The following PTPRD variants were observed in gnomAD, a reference collection of about 807,000 sequenced individuals.
The protein encoded by PTPRD is protein tyrosine phosphatase receptor type D.
Under a neutral mutation model 214.5 loss-of-function variants are expected in PTPRD, and 34 were observed. The observed-to-expected ratio is 0.16, with a 90% CI of 0.12 to 0.21. The LOEUF (loss-of-function observed/expected upper bound fraction) is 0.21. Among genes scored for constraint, PTPRD ranks in the 10% least tolerant of loss-of-function variants. The pLI, the probability that PTPRD is intolerant of heterozygous loss-of-function variation, is 1.00. For missense variants in PTPRD, 2,545 were observed against 2,398.7 expected (o/e 1.06, Z -1.27); for synonymous variants, 1,128 against 845.7 (o/e 1.33, Z -5.79).
intron 14 of PTPRD, among the ~76,000 whole-genome samples, chr9:8,569,966 G>C (rs139335039): frequency 6.6e-6 from 1 of 152,034 alleles, no homozygotes; most frequent in Non-Finnish European, 1.5e-5. Flanking sequence ...TACATAATGC[G>C]GTGAACTGTT....
chr9:9,686,142 T>C (rs898320875), intron 7 of PTPRD, among the ~76,000 whole-genome samples: 3 of 151,378 alleles, frequency 2.0e-5, no homozygotes, highest in Non-Finnish European at 4.4e-5. Context: ...TTGTTGCTGT[T>C]GTTGAAATAA....
At chr9:9,089,354 A>T (rs1393652066) in intron 10 of PTPRD, among the ~76,000 whole-genome samples, 1 of 152,204 alleles carries the variant, frequency 6.6e-6, no homozygotes, top group Non-Finnish European at 1.5e-5. Flanking sequence ...CAAGGTCTAC[A>T]GTTTGCTGAC....
chr9:9,280,697 G>A (rs1338215911), intron 9 of PTPRD, among the ~76,000 whole-genome samples: 1 of 151,280 alleles, frequency 6.6e-6, no homozygotes, highest in Admixed American at 6.6e-5. Context: ...CAGGATTTCA[G>A]TTCTTCCTAA....
At chr9:9,848,573 G>C (rs370173496) in intron 5 of PTPRD, among the ~76,000 whole-genome samples, 32 of 152,140 alleles carry the variant, frequency 2.1e-4, no homozygotes, top group Middle Eastern at 3.4e-3. Flanking sequence ...GCCTTTAAGT[G>C]GTAGATCCAA....
chr9:8,516,883 A>C (rs371336980), intron 21 of PTPRD, among the ~76,000 whole-genome samples: 7 of 146,876 alleles, frequency 4.8e-5, no homozygotes, highest in African/African-American at 1.8e-4. Flanking sequence ...AGCTCACTGC[A>C]AACTTGCAAA....
intron 7 of PTPRD, among the ~76,000 whole-genome samples, chr9:9,677,985 T>G (rs540330065): frequency 6.6e-6 from 1 of 152,074 alleles, no homozygotes; most frequent in East Asian, 1.9e-4. Context: ...TCAAAGAGAA[T>G]AAAATACCTA....
At chr9:8,461,088 G>C (rs1286338607) in intron 32 of PTPRD, among the ~76,000 whole-genome samples, 3 of 152,036 alleles carry the variant, frequency 2.0e-5, no homozygotes, top group African/African-American at 4.8e-5. Context: ...TAGTACTACT[G>C]TGCTTCTTAG....
intron 8 of PTPRD, among the ~76,000 whole-genome samples, chr9:9,496,066 G>A (rs1481068459): frequency 6.6e-6 from 1 of 152,106 alleles, no homozygotes; most frequent in Non-Finnish European, 1.5e-5. Context: ...AGCACAGCAG[G>A]CCAAGTAAAC....
intron 10 of PTPRD, among the ~76,000 whole-genome samples, chr9:9,068,448 T>C (rs1347634028): frequency 6.6e-6 from 1 of 152,184 alleles, no homozygotes; most frequent in African/African-American, 2.4e-5. Context: ...GCCATTTTAC[T>C]TTCCACCAAC....
rs574646635 is a variant in PTPRD, at chr9:10,557,722, C to G, written c.-600+54676G>C. ...CTACTGCAGCAACATATGGAATTAC[C>G]TTAGAAAAACGTAGGCAGCTGGGAT... On this transcript the variant is annotated intron_variant, in intron 2 of 45. Coordinates refer to ENST00000381196, the MANE Select transcript of PTPRD (RefSeq NM_002839.4). Among the ~76,000 whole-genome samples the G allele has an allele frequency of 4.6e-5, 7 of 152,152 alleles. No individual in the cohort carries two copies. The South Asian group carries it at 1.5e-3, about 32-fold the overall frequency.
At chr9:8,778,017 G>A (rs183620487) in intron 11 of PTPRD, among the ~76,000 whole-genome samples, 4 of 152,270 alleles carry the variant, frequency 2.6e-5, no homozygotes, top group Admixed American at 2.6e-4. Flanking sequence ...TCTAGGATTG[G>A]TTACTTGCTT....
intron 8 of PTPRD, among the ~76,000 whole-genome samples, chr9:9,464,062 C>T (rs1166947426): frequency 6.6e-6 from 1 of 152,120 alleles, no homozygotes; most frequent in Non-Finnish European, 1.5e-5. Context: ...ACTATATTAA[C>T]CCTTAATTTT....
chr9:10,379,425 G>C (rs557150528), intron 2 of PTPRD, among the ~76,000 whole-genome samples: 1 of 151,798 alleles, frequency 6.6e-6, no homozygotes, highest in Non-Finnish European at 1.5e-5. Context: ...GTAAAAGTTA[G>C]CATCCTTGTT....
chr9:10,140,028 T>A (rs2098972052), intron 3 of PTPRD, among the ~76,000 whole-genome samples: 1 of 151,822 alleles, frequency 6.6e-6, no homozygotes, highest in Admixed American at 6.6e-5. Flanking sequence ...AAAACAAAAA[T>A]TAACAAGTGG....
chr9:10,515,757 C>G lies in PTPRD; in HGVS notation c.-600+96641G>C, dbSNP rs1022277861. Among the ~76,000 whole-genome samples, 34 of 151,904 alleles carry G rather than the reference C, an allele frequency of 2.2e-4. 3 individuals carry two copies. On this transcript the variant is annotated intron_variant, in intron 2 of 45. Coordinates refer to ENST00000381196, the MANE Select transcript of PTPRD (RefSeq NM_002839.4). ...AGTAACTCCCTATTTCTCTTTCACT[C>G]AGACCCCAGCAACCACCATGCTACT...
At chr9:8,693,825 A>G (rs1385448040) in intron 12 of PTPRD, among the ~76,000 whole-genome samples, 1 of 152,222 alleles carries the variant, frequency 6.6e-6, no homozygotes, top group African/African-American at 2.4e-5. Flanking sequence ...CAACAAAACA[A>G]GCCAACAGAA....
intron 4 of PTPRD, among the ~76,000 whole-genome samples, chr9:10,024,363 C>G (rs1294788752): frequency 6.6e-6 from 1 of 152,046 alleles, no homozygotes; most frequent in Non-Finnish European, 1.5e-5. Context: ...TGTTTTATTG[C>G]TCAGTGTGAA....
At chr9:10,253,217 C>T (rs2092945892) in intron 3 of PTPRD, among the ~76,000 whole-genome samples, 1 of 152,144 alleles carries the variant, frequency 6.6e-6, no homozygotes, top group Non-Finnish European at 1.5e-5. Context: ...TGATGTCTGG[C>T]ATACGATTAT....
intron 30 of PTPRD, among the ~76,000 whole-genome samples, chr9:8,481,678 C>A (rs2096889301): frequency 6.6e-6 from 1 of 152,124 alleles, no homozygotes. Flanking sequence ...TTATTTTAGT[C>A]TTTTGCTTCA....
Sources: allele counts gnomAD v4.1 joint callset (sites outside exome capture counted in the v4.1 genomes callset), GRCh38; gene constraint gnomAD v4.1.1; transcripts MANE v1.5; gene names NCBI Gene and HGNC (gene_info 2026-07-23, HGNC 2026-07-21).